Variants in HCRTR2 observed in about 807,000 individuals in gnomAD.
The protein encoded by HCRTR2 is hypocretin receptor 2, also known as orexin receptor type 2.
HCRTR2 carries 22 observed loss-of-function variants against 49.0 expected under a neutral mutation model. That is an observed-to-expected ratio of 0.45 (90% confidence interval 0.32 to 0.64). The LOEUF is 0.64. Ranked by LOEUF, HCRTR2 falls within the 30% of genes least tolerant of loss-of-function variation. The probability of loss-of-function intolerance (pLI) is 0.04; values close to 1 mark genes in which losing one functional copy is unlikely to be tolerated. For synonymous variants in HCRTR2, 236 were observed against 205.3 expected, an observed-to-expected ratio of 1.15 and a Z score of -1.28; for missense variants, 491 against 559.4, an observed-to-expected ratio of 0.88 and a Z score of 1.23.
intron 1 of HCRTR2, among the ~76,000 whole-genome samples, chr6:55,125,780 A>G (rs1225263867): frequency 6.6e-6 from 1 of 151,712 alleles, no homozygotes; most frequent in African/African-American, 2.4e-5. Context: ...CTTTTCACAT[A>G]GTCCCATATT....
At chr6:55,246,039 A>G (rs927027309) in intron 1 of HCRTR2, among the ~76,000 whole-genome samples, 2 of 152,026 alleles carry the variant, frequency 1.3e-5, no homozygotes, top group Non-Finnish European at 2.9e-5. Flanking sequence ...AATGTCATGC[A>G]CTGACAAAGG....
chr6:55,107,088 G>T (rs545869244), intron 1 of HCRTR2, among the ~76,000 whole-genome samples: 1 of 152,188 alleles, frequency 6.6e-6, no homozygotes, highest in Non-Finnish European at 1.5e-5. Flanking sequence ...ATTACTGCTT[G>T]CTGGTTTATC....
intron 1 of HCRTR2, among the ~76,000 whole-genome samples, chr6:55,193,522 G>T (rs997485887): frequency 6.6e-5 from 10 of 151,466 alleles, no homozygotes; most frequent in African/African-American, 2.2e-4. Context: ...TGGATTTGAG[G>T]GTTTTTTGTT....
chr6:55,109,717 G>A (rs4712094), intron 1 of HCRTR2, among the ~76,000 whole-genome samples: 83,948 of 151,766 alleles, frequency 0.55, 24,097 homozygotes, highest in East Asian at 0.84. Flanking sequence ...AAGAAGTTTG[G>A]GATATGTTAA....
chr6:55,247,178 T>C (rs769952336), intron 1 of HCRTR2, among the ~76,000 whole-genome samples: 1 of 152,140 alleles, frequency 6.6e-6, no homozygotes, highest in Non-Finnish European at 1.5e-5. Flanking sequence ...CAAGTGTTTA[T>C]AGAAAATAAA....
At chr6:55,142,429 C>A (rs1003055209) in intron 1 of HCRTR2, among the ~76,000 whole-genome samples, 9 of 149,710 alleles carry the variant, frequency 6.0e-5, no homozygotes, top group African/African-American at 2.2e-4. Context: ...AGGATGGTCT[C>A]GATCTCCTGA....
rs187780155 is a variant in HCRTR2, at chr6:55,120,621, G to T, written c.-378+14076G>T. 4.6e-5 allele frequency among the ~76,000 whole-genome samples: 7 copies of T among 150,848 alleles called. No individual in the cohort carries two copies. In the East Asian group the frequency reaches 1.4e-3, roughly 29 times the overall value. On this transcript the variant is annotated intron_variant, in intron 1 of 7. Transcript: ENST00000615358. Reference sequence around the variant, plus strand: ...TGATTTTGTATCCTGAGACTTTCCTGAAGTTGCTTATCAGCTTACGGAGAT... The same window carrying T: ...TGATTTTGTATCCTGAGACTTTCCTTAAGTTGCTTATCAGCTTACGGAGAT...
At chr6:55,264,036 C>A (rs1766818601) in intron 4 of HCRTR2, 2 of 507,818 alleles carry the variant, frequency 3.9e-6, no homozygotes, top group Non-Finnish European at 3.5e-6. Flanking sequence ...TATGTCTAGG[C>A]ATTTTTAGAG....
intron 1 of HCRTR2, among the ~76,000 whole-genome samples, chr6:55,128,233 G>A (rs1252028000): frequency 1.3e-5 from 2 of 152,050 alleles, no homozygotes; most frequent in South Asian, 2.1e-4. Flanking sequence ...GTTAGTTGTA[G>A]GTGTATGGTC....
At chr6:55,115,321 G>A (rs535142312) in intron 1 of HCRTR2, among the ~76,000 whole-genome samples, 2 of 151,818 alleles carry the variant, frequency 1.3e-5, no homozygotes, top group Non-Finnish European at 3.0e-5. Flanking sequence ...TCAGAGTAGA[G>A]ACTTTTCATT....
intron 1 of HCRTR2, among the ~76,000 whole-genome samples, chr6:55,224,016 C>T (rs1216622159): frequency 6.6e-6 from 1 of 152,092 alleles, no homozygotes; most frequent in African/African-American, 2.4e-5. Context: ...AAGACAGTTG[C>T]TGACATTTTT....
intron 1 of HCRTR2, among the ~76,000 whole-genome samples, chr6:55,152,663 A>C (rs1337637867): frequency 6.6e-6 from 1 of 151,940 alleles, no homozygotes; most frequent in Non-Finnish European, 1.5e-5. Flanking sequence ...TGGTATCCTC[A>C]TCTGGTAGAA....
At chr6:55,211,586 C>A (rs1217651760) in intron 1 of HCRTR2, among the ~76,000 whole-genome samples, 1 of 152,074 alleles carries the variant, frequency 6.6e-6, no homozygotes, top group Non-Finnish European at 1.5e-5. Context: ...ATTCCAAATG[C>A]CTTGGTATTA....
chr6:55,252,210 G>A, intron 2 of HCRTR2, among the ~76,000 whole-genome samples: 1 of 152,070 alleles, frequency 6.6e-6, no homozygotes, highest in East Asian at 1.9e-4. Flanking sequence ...CATCACACTA[G>A]CATATTCCTC....
chr6:55,255,799 G>A (rs1207197682), intron 3 of HCRTR2, among the ~76,000 whole-genome samples: 2 of 152,124 alleles, frequency 1.3e-5, no homozygotes, highest in African/African-American at 4.8e-5. Flanking sequence ...AAATACAACT[G>A]AATTTTTTCA....
intron 1 of HCRTR2, among the ~76,000 whole-genome samples, chr6:55,206,371 T>C (rs760010192): frequency 6.6e-6 from 1 of 152,100 alleles, no homozygotes; most frequent in African/African-American, 2.4e-5. Flanking sequence ...ACGACTGTGA[T>C]AGTACCTGAG....
intron 1 of HCRTR2, among the ~76,000 whole-genome samples, chr6:55,224,596 C>T (rs1032112514): frequency 1.6e-4 from 24 of 150,660 alleles, no homozygotes; most frequent in African/African-American, 4.7e-4. Context: ...GAACTCCAGC[C>T]TGGGCTACAG....
intron 3 of HCRTR2, among the ~76,000 whole-genome samples, chr6:55,256,173 T>C (rs1341428935): frequency 6.6e-6 from 1 of 152,046 alleles, no homozygotes; most frequent in African/African-American, 2.4e-5. Context: ...CATTTCAGCA[T>C]AGCATGCACT....
chr6:55,164,304 A>G (rs1581802413), intron 1 of HCRTR2, among the ~76,000 whole-genome samples: 1 of 152,208 alleles, frequency 6.6e-6, no homozygotes, highest in East Asian at 1.9e-4. Context: ...AAATCATTCT[A>G]TGATAAACAC....
Sources: allele counts gnomAD v4.1 joint callset (sites outside exome capture counted in the v4.1 genomes callset), GRCh38; gene constraint gnomAD v4.1.1; transcripts MANE v1.5; gene names NCBI Gene and HGNC (gene_info 2026-07-23, HGNC 2026-07-21).